The following STAG2 variants were observed in gnomAD, a reference collection of about 807,000 sequenced individuals.
STAG2 encodes STAG2 cohesin complex component.
In STAG2, 14 loss-of-function variants were observed where a neutral mutation model predicts 108.1. The ratio of observed to expected loss-of-function variants is 0.13; its 90% CI spans 0.09 to 0.20. The LOEUF is 0.20. Among genes scored for constraint, STAG2 ranks in the 10% least tolerant of loss-of-function variants. The pLI is 1.00. For synonymous variants in STAG2, 307 were observed against 302.7 expected (o/e 1.01, Z -0.15); for missense variants, 440 against 940.9 (o/e 0.47, Z 6.96).
intron 1 of STAG2, among the ~76,000 whole-genome samples, chrX:123,966,075 C>T (rs1389208186): frequency 1.1e-4 from 12 of 110,826 alleles, no homozygotes; most frequent in Non-Finnish European, 2.1e-4. Context: ...GGGAGAATAG[C>T]GAGGGAGAGG....
Position 124,071,142 on chromosome X carries a change from T to A in STAG2, c.2359-7T>A, listed in dbSNP as rs766542365. 7.4e-6 allele frequency: 8 copies of A among 1,081,326 alleles called. No individual in the cohort carries two copies. Among genetic ancestry groups the A allele is most frequent in the Admixed American group, 6.9e-5 (2 of 28,993 alleles). 89.1% of individuals were successfully genotyped at this position (1,081,326 alleles called of 1,213,427 possible). On this transcript the variant is annotated splice_region_variant and splice_polypyrimidine_tract_variant and intron_variant, in intron 24 of 34. Coordinates refer to ENST00000371145, the MANE Select transcript of STAG2 (RefSeq NM_001042750.2). Reference sequence around the variant, plus strand: ...CATGCTTTCCTCTTTTTTTTTTTTTTAAATAGGCCTTCACTATTCTGTGTG... The same window carrying A: ...CATGCTTTCCTCTTTTTTTTTTTTTAAAATAGGCCTTCACTATTCTGTGTG...
rs1034838979 is a variant in STAG2 at position 124,076,600 on chromosome X, G to C, written c.2673+129G>C. 1.8e-5 allele frequency: 12 copies of C among 656,284 alleles called. No homozygotes were observed. In the African/African-American group the frequency reaches 2.1e-4, roughly 11 times the overall value. 54.1% of individuals were successfully genotyped at this position (656,284 alleles called of 1,213,427 possible). ...AAAGAGTTGTATTTTAAAATATTTA[G>C]TGTTTTCAATACATTTCCTTATACC... On this transcript the variant is annotated intron_variant, in intron 26 of 34. Transcript: ENST00000371145.
At chrX:124,013,122 T>G (rs2056576660) in intron 1 of STAG2, among the ~76,000 whole-genome samples, 1 of 111,606 alleles carries the variant, frequency 9.0e-6, no homozygotes, top group Non-Finnish European at 1.9e-5. Flanking sequence ...TTAACCCTTC[T>G]TGTAAATTTG....
At chrX:123,971,686 A>G (rs1428345613) in intron 1 of STAG2, among the ~76,000 whole-genome samples, 2 of 111,715 alleles carry the variant, frequency 1.8e-5, no homozygotes, top group Non-Finnish European at 3.8e-5. Context: ...AGGGCCACCT[A>G]AGTTAAAACA....
At chrX:123,989,626 A>G (rs1432527820) in intron 1 of STAG2, among the ~76,000 whole-genome samples, 1 of 95,090 alleles carries the variant, frequency 1.1e-5, no homozygotes, top group Non-Finnish European at 2.1e-5. Flanking sequence ...TTTTTTTGAG[A>G]CAGAATTTTG....
At chrX:124,081,991 A>G (rs931251994) in intron 28 of STAG2, among the ~76,000 whole-genome samples, 16 of 112,111 alleles carry the variant, frequency 1.4e-4, no homozygotes, top group Admixed American at 1.0e-3. Context: ...CTCTGTCTCA[A>G]CAACAACAAC....
At chrX:124,006,110 A>G (rs971905050) in intron 1 of STAG2, among the ~76,000 whole-genome samples, 3 of 111,707 alleles carry the variant, frequency 2.7e-5, no homozygotes, top group African/African-American at 9.8e-5. Flanking sequence ...AAATAAGGTC[A>G]TATTCTGAGG....
chrX:124,047,259 A>T (rs1423389555), intron 8 of STAG2, 95 bp from the exon 9 acceptor site: 1 of 698,322 alleles, frequency 1.4e-6, no homozygotes, highest in African/African-American at 2.2e-5. Flanking sequence ...GAAGCAGATT[A>T]GCTCATTTCT....
intron 9 of STAG2, among the ~76,000 whole-genome samples, chrX:124,048,107 A>G (rs1319810747): frequency 1.8e-5 from 2 of 112,094 alleles, no homozygotes; most frequent in Admixed American, 1.9e-4. Context: ...TCAAATAGGC[A>G]AAGTCTGATT....
chrX:123,964,955 A>T lies in STAG2; in HGVS notation c.-163+3099A>T, dbSNP rs1372430859. On this transcript the variant is annotated intron_variant, in intron 1 of 34. Transcript: ENST00000371145. ...ACTGCTCCTAAATTCTATTAAGGTA[A>T]GTGCCTTTTTTTTTTTTTTTTTTGG... Among the ~76,000 whole-genome samples, 3 of 98,989 alleles carry T rather than the reference A, an allele frequency of 3.0e-5. No individual in the cohort carries two copies. In the Admixed American group the frequency reaches 3.3e-4, roughly 11 times the overall value. 86.0% of individuals were successfully genotyped at this position (98,989 alleles called of 115,157 possible). A position where few individuals can be genotyped will look rare whatever the true frequency, so the allele number is the denominator to read the frequency against.
At chrX:124,030,214 G>C (rs1159973148) in intron 4 of STAG2, among the ~76,000 whole-genome samples, 1 of 111,803 alleles carries the variant, frequency 8.9e-6, no homozygotes, top group Non-Finnish European at 1.9e-5. Flanking sequence ...GGTTATTCTT[G>C]CTGCCCACTT....
intron 1 of STAG2, among the ~76,000 whole-genome samples, chrX:124,012,491 A>G: frequency 8.9e-6 from 1 of 112,194 alleles, no homozygotes; most frequent in South Asian, 3.7e-4. Flanking sequence ...TTATGAAAGC[A>G]TATTTGATTT....
intron 1 of STAG2, among the ~76,000 whole-genome samples, chrX:123,975,641 T>C (rs974259674): frequency 9.0e-6 from 1 of 111,406 alleles, no homozygotes; most frequent in African/African-American, 3.3e-5. Context: ...TTTTGTACTT[T>C]TAGTAGAGAT....
intron 3 of STAG2, among the ~76,000 whole-genome samples, chrX:124,025,152 G>A (rs1016829122): frequency 5.4e-5 from 6 of 110,950 alleles, no homozygotes; most frequent in African/African-American, 2.0e-4. Context: ...TCTTTCCTGC[G>A]TATATATTAT....
intron 1 of STAG2, among the ~76,000 whole-genome samples, chrX:123,970,799 T>G (rs1180131574): frequency 8.9e-6 from 1 of 112,300 alleles, no homozygotes; most frequent in Non-Finnish European, 1.9e-5. Context: ...ACTGAACTCT[T>G]ACCATATGCC....
intron 5 of STAG2, among the ~76,000 whole-genome samples, chrX:124,035,056 C>G (rs1041133494): frequency 9.1e-6 from 1 of 109,840 alleles, no homozygotes; most frequent in Non-Finnish European, 1.9e-5. Context: ...GCCACCACGC[C>G]CAGCTAATTT....
intron 17 of STAG2, among the ~76,000 whole-genome samples, chrX:124,062,393 G>A (rs1310877005): frequency 8.9e-6 from 1 of 112,016 alleles, no homozygotes; most frequent in Non-Finnish European, 1.9e-5. Context: ...GTTTGTGTGT[G>A]CATAACTGAA....
intron 4 of STAG2, among the ~76,000 whole-genome samples, chrX:124,030,275 G>C (rs1246929382): frequency 8.9e-6 from 1 of 112,130 alleles, no homozygotes; most frequent in African/African-American, 3.2e-5. Context: ...CTTGGAGATA[G>C]CTACCTTGAT....
chrX:124,059,188 A>G (rs1270314637), intron 15 of STAG2, among the ~76,000 whole-genome samples: 2 of 111,602 alleles, frequency 1.8e-5, no homozygotes, highest in African/African-American at 6.5e-5. Flanking sequence ...ATGGTGGTGC[A>G]TGCCTGTAAT....
Sources: allele counts gnomAD v4.1 joint callset (sites outside exome capture counted in the v4.1 genomes callset), GRCh38; gene constraint gnomAD v4.1.1; transcripts MANE v1.5; gene names NCBI Gene and HGNC (gene_info 2026-07-23, HGNC 2026-07-21).